FMN2: variants seen among roughly 807,000 people sequenced by gnomAD.
FMN2 encodes the protein formin 2, also known as formin-2.
In FMN2, 51 loss-of-function variants were observed where a neutral mutation model predicts 142.3. That is an observed-to-expected ratio of 0.36 (90% CI 0.29 to 0.45). The LOEUF is 0.45. Among genes scored for constraint, FMN2 ranks in the 20% least tolerant of loss-of-function variants. FMN2 has a pLI of 1.00. For synonymous variants in FMN2, 882 were observed against 869.8 expected (o/e 1.01, Z -0.25); for missense variants, 1,936 against 2,122.8 (o/e 0.91, Z 1.73).
intron 8 of FMN2, among the ~76,000 whole-genome samples, chr1:240,317,340 C>T (rs117695072): frequency 0.011 from 1,706 of 151,842 alleles, 78 homozygotes; most frequent in East Asian, 0.077. Flanking sequence ...TAAAATGATT[C>T]CATCACCCAA....
chr1:240,185,133 T>C (rs1427493793), intron 3 of FMN2, among the ~76,000 whole-genome samples: 6 of 119,796 alleles, frequency 5.0e-5, no homozygotes, highest in African/African-American at 2.2e-4. Flanking sequence ...CTTCTCTTTC[T>C]CCCTCCTATA....
intron 2 of FMN2, among the ~76,000 whole-genome samples, chr1:240,134,825 A>G (rs1179719802): frequency 7.9e-5 from 12 of 152,164 alleles, no homozygotes; most frequent in Admixed American, 6.5e-4. Context: ...TTTTACTGCT[A>G]TAATTACCAC....
At chr1:240,120,864 G>A (rs1456397260) in intron 1 of FMN2, among the ~76,000 whole-genome samples, 1 of 152,178 alleles carries the variant, frequency 6.6e-6, no homozygotes, top group Non-Finnish European at 1.5e-5. Context: ...ATGTTTGAAA[G>A]TTAAAGAGCT....
chr1:240,245,198 G>A, intron 6 of FMN2: 1 of 275,430 alleles, frequency 3.6e-6, no homozygotes, highest in Non-Finnish European at 7.2e-6. Context: ...AATAGTCAGA[G>A]TTTGTCATTT....
chr1:240,223,875 T>G (rs1218678645), intron 6 of FMN2, among the ~76,000 whole-genome samples: 1 of 143,026 alleles, frequency 7.0e-6, no homozygotes, highest in Non-Finnish European at 1.6e-5. Flanking sequence ...TCTTATCTCT[T>G]TTCTTCTTTA....
intron 2 of FMN2, chr1:240,170,349 T>C (rs1664652088): frequency 8.7e-7 from 1 of 1,145,430 alleles, no homozygotes. Context: ...CTGAGGGTTG[T>C]TTTCCAGTGA....
At chr1:240,093,758 A>C in intron 1 of FMN2, 34 bp downstream of exon 1, 19 of 1,286,198 alleles carry the variant, frequency 1.5e-5, no homozygotes, top group African/African-American at 3.1e-5. Flanking sequence ...TCCGGGTCTC[A>C]AGTCGCCTGT....
chr1:240,188,221 G>GT lies in FMN2; in HGVS notation c.1948dup (p.Ser650PhefsTer17), dbSNP rs1340240686. Reference sequence around the variant, plus strand: ...TTCCAATCTAGAATCTCAATCTGCTGTTTCAGAAACTCCCCAAAAACGCTC... The same window carrying GT: ...TTCCAATCTAGAATCTCAATCTGCTGTTTTCAGAAACTCCCCAAAAACGCTC... On this transcript the variant is annotated frameshift_variant, in exon 4 of 18. Coordinates refer to ENST00000319653, the MANE Select transcript of FMN2 (RefSeq NM_020066.5). LOFTEE classifies it high-confidence loss of function. 1.2e-6 allele frequency: 2 copies of GT among 1,613,792 alleles called. No homozygotes were observed. The highest frequency in any genetic ancestry group is 1.7e-6 in the Non-Finnish European group (2 of 1,179,894).
At position 240,170,682 on chromosome 1, in the gene FMN2, T is replaced by C. The variant is rs183132300; in HGVS notation, c.1783-7239T>C. The C allele has an allele frequency of 1.8e-3, 2,889 of 1,572,088 alleles. 5 individuals carry two copies. The highest frequency in any genetic ancestry group is 2.4e-3 in the Non-Finnish European group (2,699 of 1,141,932). On this transcript the variant is annotated intron_variant, in intron 2 of 17. Transcript: ENST00000319653. ...TAGCACCTTTGGATAAAGTCTGCCT[T>C]CTAGGTTGTGGCATTTCAGCTGGTT...
chr1:240,416,547 G>C (rs375507629), intron 15 of FMN2, among the ~76,000 whole-genome samples: 2 of 152,148 alleles, frequency 1.3e-5, no homozygotes, highest in African/African-American at 2.4e-5. Context: ...TGGGATTACA[G>C]GCGTGAGCCA....
chr1:240,093,684 G>T lies in FMN2; in HGVS notation c.1575G>T (p.Gly525=). Reference sequence around the variant, plus strand: ...CAGCACTGGCCGCCAAGGCGTCTGGGGCCCCCGCGGCTGCGGATGGCTTCC... The same window carrying T: ...CAGCACTGGCCGCCAAGGCGTCTGGTGCCCCCGCGGCTGCGGATGGCTTCC... ...VSPALAAKAS[G]APAAADGFQN... is the part of the protein sequence containing the mutation. The change falls in exon 1 of 18, where the codon GGG becomes GGT. Residue 525 remains glycine (G), a synonymous_variant. Coordinates refer to ENST00000319653, the MANE Select transcript of FMN2 (RefSeq NM_020066.5). 7.4e-7 allele frequency: 1 copy of T among 1,354,700 alleles called. No homozygotes were observed. Among genetic ancestry groups the T allele is most frequent in the Admixed American group, 3.4e-5 (1 of 29,652 alleles). 83.9% of individuals were successfully genotyped at this position (1,354,700 alleles called of 1,614,324 possible). A position where few individuals can be genotyped will look rare whatever the true frequency, so the allele number is the denominator to read the frequency against.
At chr1:240,209,437 T>G (rs1039889310) in intron 5 of FMN2, among the ~76,000 whole-genome samples, 8 of 150,876 alleles carry the variant, frequency 5.3e-5, no homozygotes, top group Non-Finnish European at 7.4e-5. Context: ...GTATTTTCAG[T>G]AGAGACGGGG....
intron 14 of FMN2, among the ~76,000 whole-genome samples, chr1:240,372,979 A>G (rs777004848): frequency 8.5e-5 from 13 of 152,156 alleles, no homozygotes; most frequent in Non-Finnish European, 1.3e-4. Flanking sequence ...GAGGTCAGGT[A>G]TACGAGACCA....
intron 7 of FMN2, among the ~76,000 whole-genome samples, chr1:240,282,818 CTGTTGGATA>C (rs1669447313): frequency 6.6e-6 from 1 of 152,206 alleles, no homozygotes; most frequent in African/African-American, 2.4e-5. Context: ...TTTTCATCAG[CTGTTGGATA>C]TGCTCACGTA....
chr1:240,154,717 G>C (rs1663941678), intron 2 of FMN2: 1 of 152,200 alleles, frequency 6.6e-6, no homozygotes. Context: ...ATCTGTAACT[G>C]ATTCTGAACA....
At chr1:240,290,853 TGATCTTGGCTCACGTA>T (rs1669761945) in intron 7 of FMN2, among the ~76,000 whole-genome samples, 2 of 138,280 alleles carry the variant, frequency 1.4e-5, no homozygotes, top group African/African-American at 2.8e-5. Context: ...TACAGAGGCA[TGATCTTGGCTCACGTA>T]GATCTTGGCC....
intron 3 of FMN2, 61 bp from the exon 4 acceptor site, chr1:240,188,146 A>G: frequency 6.6e-7 from 1 of 1,517,600 alleles, no homozygotes; most frequent in Non-Finnish European, 9.1e-7. Context: ...TTATTTTCTG[A>G]TTGAAGAAAT....
chr1:240,333,297 C>G (rs1017486680), intron 11 of FMN2, among the ~76,000 whole-genome samples: 3 of 152,118 alleles, frequency 2.0e-5, no homozygotes, highest in African/African-American at 7.2e-5. Flanking sequence ...TTTATAACCA[C>G]ATGAGTGTTA....
intron 8 of FMN2, among the ~76,000 whole-genome samples, chr1:240,310,012 T>G (rs1572179508): frequency 1.3e-5 from 2 of 152,182 alleles, no homozygotes; most frequent in South Asian, 4.1e-4. Flanking sequence ...AACTTTATCA[T>G]GTTGGTGTAA....
Sources: allele counts gnomAD v4.1 joint callset (sites outside exome capture counted in the v4.1 genomes callset), GRCh38; gene constraint gnomAD v4.1.1; transcripts MANE v1.5; gene names NCBI Gene and HGNC (gene_info 2026-07-23, HGNC 2026-07-21).